The following NEGR1 variants were observed in gnomAD, a reference collection of about 807,000 sequenced individuals.
The protein encoded by NEGR1 is IgLON family member 4.
Under a neutral mutation model 40.9 loss-of-function variants are expected in NEGR1, and 10 were observed. The ratio of observed to expected loss-of-function variants is 0.24; its 90% CI spans 0.15 to 0.42. The LOEUF (loss-of-function observed/expected upper bound fraction) is 0.42. Ranked by LOEUF, NEGR1 falls within the 10% of genes least tolerant of loss-of-function variation. The probability of loss-of-function intolerance (pLI) is 1.00; values close to 1 mark genes in which losing one functional copy is unlikely to be tolerated. For synonymous variants in NEGR1, 185 were observed against 166.8 expected (o/e 1.11, Z -0.84); for missense variants, 352 against 438.9 (o/e 0.80, Z 1.77).
chr1:71,881,338 G>C (rs1473567382), intron 2 of NEGR1, among the ~76,000 whole-genome samples: 2 of 151,996 alleles, frequency 1.3e-5, no homozygotes, highest in African/African-American at 4.8e-5. Context: ...AATATTGATA[G>C]GTTTTTCCTT....
intron 6 of NEGR1, among the ~76,000 whole-genome samples, chr1:71,538,284 T>C (rs1027465627): frequency 3.3e-5 from 5 of 151,716 alleles, no homozygotes; most frequent in African/African-American, 1.2e-4. Flanking sequence ...CGATATATTA[T>C]TAAAATTGTT....
At chr1:71,531,720 G>C (rs1263385084) in intron 6 of NEGR1, among the ~76,000 whole-genome samples, 1 of 151,274 alleles carries the variant, frequency 6.6e-6, no homozygotes, top group East Asian at 2.0e-4. Context: ...ATTTTAAATA[G>C]ACCACTCAAT....
chr1:72,199,541 T>C (rs1653127734), intron 1 of NEGR1, among the ~76,000 whole-genome samples: 1 of 152,002 alleles, frequency 6.6e-6, no homozygotes. Flanking sequence ...ACAATTCTTA[T>C]CCCAACAAAC....
At chr1:71,788,015 T>C (rs1656973337) in intron 2 of NEGR1, among the ~76,000 whole-genome samples, 1 of 152,238 alleles carries the variant, frequency 6.6e-6, no homozygotes, top group Non-Finnish European at 1.5e-5. Flanking sequence ...AGTCTTGCCT[T>C]AGAAAACATT....
chr1:71,801,881 T>C (rs1186270572), intron 2 of NEGR1, among the ~76,000 whole-genome samples: 1 of 152,186 alleles, frequency 6.6e-6, no homozygotes, highest in Non-Finnish European at 1.5e-5. Context: ...AGGAAGACAG[T>C]AGTGCAAGCT....
chr1:71,550,595 C>T (rs1041639), intron 6 of NEGR1, among the ~76,000 whole-genome samples: 36,132 of 151,418 alleles, frequency 0.24, 5,591 homozygotes, highest in East Asian at 0.61. Context: ...CAAATTCATA[C>T]TTTCTTCCAT....
intron 6 of NEGR1, among the ~76,000 whole-genome samples, chr1:71,506,626 C>T (rs1647036566): frequency 6.6e-6 from 1 of 152,046 alleles, no homozygotes; most frequent in Admixed American, 6.5e-5. Context: ...TGAATACTTG[C>T]CTGAATCCTG....
In NEGR1 at chr1:72,282,529, A is replaced by T. The variant is rs774082521; in HGVS notation, c.-35T>A. The T allele has an allele frequency of 6.7e-7, 1 of 1,500,152 alleles. No homozygotes were observed. Among genetic ancestry groups the T allele is most frequent in the African/African-American group, 1.5e-5 (1 of 68,270 alleles). 92.9% of individuals were successfully genotyped at this position (1,500,152 alleles called of 1,614,324 possible). A position where few individuals can be genotyped will look rare whatever the true frequency, so the allele number is the denominator to read the frequency against. On this transcript the variant is annotated 5_prime_UTR_variant, in exon 1 of 7. Transcript: ENST00000357731. ...GGCTGCTCACTCTCCAGCAGCTTTC[A>T]GCTCGCACTCCCCCACCCCCTGGTG...
intron 1 of NEGR1, among the ~76,000 whole-genome samples, chr1:72,065,847 T>G (rs1455262754): frequency 1.3e-5 from 2 of 152,056 alleles, no homozygotes; most frequent in African/African-American, 2.4e-5. Flanking sequence ...TAATTCTAAT[T>G]TTGCCCATAA....
intron 4 of NEGR1, among the ~76,000 whole-genome samples, chr1:71,691,871 C>A (rs552060961): frequency 3.5e-5 from 5 of 141,736 alleles, no homozygotes; most frequent in African/African-American, 1.0e-4. Context: ...ATCTTTCTTT[C>A]TTTTTTTTTT....
chr1:71,915,913 C>A (rs601452), intron 2 of NEGR1, among the ~76,000 whole-genome samples: 76,094 of 152,004 alleles, frequency 0.5, 20,327 homozygotes, highest in African/African-American at 0.71. Context: ...ATGATAGGAC[C>A]GCCAAAAGGA....
chr1:71,868,483 C>CAT (rs1553170914), intron 2 of NEGR1, among the ~76,000 whole-genome samples: 1 of 142,410 alleles, frequency 7.0e-6, no homozygotes, highest in African/African-American at 3.0e-5. Flanking sequence ...TACATACATA[C>CAT]ATACATACAT....
chr1:71,864,171 G>C (rs1381317176), intron 2 of NEGR1, among the ~76,000 whole-genome samples: 1 of 152,148 alleles, frequency 6.6e-6, no homozygotes, highest in Non-Finnish European at 1.5e-5. Context: ...GAGGTCGCCT[G>C]GGTCCACAGG....
intron 1 of NEGR1, among the ~76,000 whole-genome samples, chr1:72,167,926 GT>G (rs1340227162): frequency 6.6e-6 from 1 of 151,442 alleles, no homozygotes; most frequent in Non-Finnish European, 1.5e-5. Context: ...ATGAGACTTT[GT>G]AAAAATTTTA....
At chr1:72,092,195 T>C (rs1474682909) in intron 1 of NEGR1, among the ~76,000 whole-genome samples, 1 of 152,164 alleles carries the variant, frequency 6.6e-6, no homozygotes, top group Admixed American at 6.5e-5. Context: ...TGTCTGGAAG[T>C]GTCAGATAAA....
intron 6 of NEGR1, chr1:71,489,610 T>A (rs1266688179): frequency 6.6e-6 from 1 of 151,944 alleles, no homozygotes; most frequent in Admixed American, 6.6e-5. Flanking sequence ...AGTAGAGTCA[T>A]GATTTAATGT....
At chr1:71,888,328 G>C (rs1570469693) in intron 2 of NEGR1, among the ~76,000 whole-genome samples, 1 of 152,174 alleles carries the variant, frequency 6.6e-6, no homozygotes, top group African/African-American at 2.4e-5. Context: ...ACTAGGGAGT[G>C]CCAGACAGTG....
intron 1 of NEGR1, among the ~76,000 whole-genome samples, chr1:72,020,991 A>T (rs1450369292): frequency 6.6e-6 from 1 of 152,124 alleles, no homozygotes; most frequent in Admixed American, 6.5e-5. Flanking sequence ...TGTGTTACTG[A>T]TAGTTGGAAA....
intron 1 of NEGR1, among the ~76,000 whole-genome samples, chr1:72,014,427 T>C (rs1223194266): frequency 6.6e-6 from 1 of 152,050 alleles, no homozygotes; most frequent in Admixed American, 6.6e-5. Flanking sequence ...TTTCTGTTTT[T>C]AACTCACTTG....
Sources: allele counts gnomAD v4.1 joint callset (sites outside exome capture counted in the v4.1 genomes callset), GRCh38; gene constraint gnomAD v4.1.1; transcripts MANE v1.5; gene names NCBI Gene and HGNC (gene_info 2026-07-23, HGNC 2026-07-21).